The following LTBP1 variants were observed in gnomAD, a reference collection of about 807,000 sequenced individuals.
LTBP1 encodes the protein latent transforming growth factor beta binding protein 1.
Under a neutral mutation model 207.6 loss-of-function variants are expected in LTBP1, and 129 were observed. That is an observed-to-expected ratio of 0.62 (90% CI 0.54 to 0.72). The LOEUF is 0.72. Ranked by LOEUF, LTBP1 falls within the 30% of genes least tolerant of loss-of-function variation. The pLI is 0.00. For synonymous variants in LTBP1, 963 were observed against 833.7 expected (o/e 1.16, Z -2.67); for missense variants, 2,281 against 2,217.2 (o/e 1.03, Z -0.58).
chr2:33,389,546 A>C (rs2095297545), intron 32 of LTBP1, among the ~76,000 whole-genome samples: 1 of 152,144 alleles, frequency 6.6e-6, no homozygotes, highest in Non-Finnish European at 1.5e-5. Flanking sequence ...ACTGCACTCC[A>C]GCCTGGGCAA....
chr2:33,123,753 C>T (rs1333220730), intron 4 of LTBP1, among the ~76,000 whole-genome samples: 2 of 152,142 alleles, frequency 1.3e-5, no homozygotes, highest in African/African-American at 4.8e-5. Flanking sequence ...CACCCTCCTC[C>T]TCCTCATCTA....
chr2:33,337,562 A>G (rs903426540), intron 24 of LTBP1, among the ~76,000 whole-genome samples: 4 of 152,218 alleles, frequency 2.6e-5, no homozygotes, highest in Non-Finnish European at 5.9e-5. Flanking sequence ...GTAAATAGCA[A>G]CACTTGCGTG....
At chr2:33,339,702 A>G (rs974148607) in intron 24 of LTBP1, among the ~76,000 whole-genome samples, 4 of 151,672 alleles carry the variant, frequency 2.6e-5, no homozygotes, top group South Asian at 2.1e-4. Flanking sequence ...CTGGAGTGCA[A>G]TGGTGTGATC....
intron 25 of LTBP1, among the ~76,000 whole-genome samples, chr2:33,344,091 G>A (rs2094668685): frequency 6.6e-6 from 1 of 152,136 alleles, no homozygotes; most frequent in Admixed American, 6.5e-5. Context: ...GATTTTTAAG[G>A]TTTAATGATA....
intron 7 of LTBP1, among the ~76,000 whole-genome samples, chr2:33,210,652 A>C (rs1236916227): frequency 6.6e-6 from 1 of 152,188 alleles, no homozygotes. Context: ...AAATTTGGAA[A>C]ACCCTCCATG....
intron 2 of LTBP1, among the ~76,000 whole-genome samples, chr2:32,967,387 A>G (rs1440412772): frequency 1.3e-5 from 2 of 151,882 alleles, no homozygotes; most frequent in Non-Finnish European, 2.9e-5. Context: ...CTCTTTTTCT[A>G]GTTTCCCATG....
intron 7 of LTBP1, 58 bp downstream of exon 7, chr2:33,188,909 A>T: frequency 6.5e-7 from 1 of 1,535,084 alleles, no homozygotes. Flanking sequence ...TATCATTTTA[A>T]CAAGAAAGCC....
chr2:33,319,979 C>G (rs571741415), intron 24 of LTBP1, among the ~76,000 whole-genome samples: 24 of 152,302 alleles, frequency 1.6e-4, no homozygotes, highest in African/African-American at 4.8e-4. Context: ...TGTGTGCCAT[C>G]CACTGTTCTA....
chr2:33,360,261 T>C (rs1481812480), intron 26 of LTBP1, among the ~76,000 whole-genome samples: 2 of 152,216 alleles, frequency 1.3e-5, no homozygotes, highest in East Asian at 1.9e-4. Flanking sequence ...GTAGGTGTTA[T>C]AGCTCAGTAA....
In LTBP1 at chr2:33,314,931, T is replaced by C. The variant is rs377265775; in HGVS notation, c.3605-213T>C. ...AATTGCTTTTTTTGCAGGTCAAAAA[T>C]GATTGTACATTGGCTATTTCCTAAC... On this transcript the variant is annotated intron_variant, in intron 23 of 33. Transcript: ENST00000404816. Among the ~76,000 whole-genome samples the C allele has an allele frequency of 3.2e-4, 48 of 152,332 alleles. No homozygotes were observed. In the South Asian group the frequency reaches 8.7e-3, roughly 28 times the overall value.
intron 3 of LTBP1, among the ~76,000 whole-genome samples, chr2:33,071,113 G>A (rs1468206026): frequency 6.6e-6 from 1 of 152,190 alleles, no homozygotes; most frequent in Non-Finnish European, 1.5e-5. Flanking sequence ...TTATGGCCAG[G>A]GTTGAGGGCC....
chr2:33,297,436 T>C (rs1443855106), intron 20 of LTBP1, among the ~76,000 whole-genome samples: 2 of 149,880 alleles, frequency 1.3e-5, no homozygotes, highest in East Asian at 2.0e-4. Context: ...TATTTATTTA[T>C]TTATTTATTT....
intron 5 of LTBP1, among the ~76,000 whole-genome samples, chr2:33,138,848 CTTTTTTTTTTT>C (rs71409603): frequency 0.012 from 957 of 77,704 alleles, 14 homozygotes; most frequent in African/African-American, 0.048. Flanking sequence ...AGTATGTTCT[CTTTTTTTTTTT>C]TTTTTTTTTT....
At position 33,360,829 on chromosome 2, in the gene LTBP1, G is replaced by A. The variant is rs188562331; in HGVS notation, c.4183+50G>A. On this transcript the variant is annotated intron_variant, in intron 27 of 33. Coordinates refer to ENST00000404816, the MANE Select transcript of LTBP1 (RefSeq NM_206943.4). ...TCACACTTGTGTTTGGTCACATGGT[G>A]TCCCTGGGCCTTGAAATGATAACAC... 4,776 of 1,546,108 alleles carry A rather than the reference G, an allele frequency of 3.1e-3. 10 individuals carry two copies. Among genetic ancestry groups the A allele is most frequent in the Non-Finnish European group, 3.7e-3 (4,097 of 1,121,324 alleles).
At chr2:33,282,870 C>T (rs1160201764) in intron 19 of LTBP1, among the ~76,000 whole-genome samples, 1 of 151,998 alleles carries the variant, frequency 6.6e-6, no homozygotes, top group African/African-American at 2.4e-5. Flanking sequence ...CGAGACCATC[C>T]TGGCCAACAT....
Position 33,275,749 on chromosome 2 carries a change from T to C in LTBP1, c.2870-52T>C, listed in dbSNP as rs971868781. 10 of 1,610,192 alleles carry C rather than the reference T, an allele frequency of 6.2e-6. No individual in the cohort carries two copies. In the Admixed American group the frequency reaches 1.7e-4, roughly 27 times the overall value. On this transcript the variant is annotated intron_variant, in intron 17 of 33. Coordinates refer to ENST00000404816, the MANE Select transcript of LTBP1 (RefSeq NM_206943.4). Reference sequence around the variant, plus strand: ...AGCTAAGCTGGGAGATGGGAGAGGTTTGAAACAGTATTTGGAACACAAAAC... The same window carrying C: ...AGCTAAGCTGGGAGATGGGAGAGGTCTGAAACAGTATTTGGAACACAAAAC...
chr2:33,081,454 A>T (rs1484175185), intron 3 of LTBP1, among the ~76,000 whole-genome samples: 1 of 152,132 alleles, frequency 6.6e-6, no homozygotes, highest in Non-Finnish European at 1.5e-5. Flanking sequence ...TGATCTAGGA[A>T]TTGAAGGATG....
At chr2:33,392,047 G>A (rs779398721) in intron 32 of LTBP1, among the ~76,000 whole-genome samples, 2 of 152,180 alleles carry the variant, frequency 1.3e-5, no homozygotes, top group African/African-American at 2.4e-5. Context: ...TAACATAGAC[G>A]GAGGCTGAGT....
At chr2:33,017,707 C>G (rs992547527) in intron 2 of LTBP1, among the ~76,000 whole-genome samples, 2 of 152,196 alleles carry the variant, frequency 1.3e-5, no homozygotes, top group African/African-American at 4.8e-5. Flanking sequence ...AGCTCCGCCT[C>G]CTGGGTTCAC....
Sources: gnomAD v4.1 joint callset for allele counts (sites outside exome capture counted in the v4.1 genomes callset) on GRCh38, gnomAD v4.1.1 for gene constraint, MANE v1.5 for transcripts, NCBI Gene and HGNC (gene_info 2026-07-23, HGNC 2026-07-21) for gene names.